Variants in ANGPTL4 observed in about 807,000 individuals in gnomAD.
The protein encoded by ANGPTL4 is angiopoietin-related protein 4.
In ANGPTL4, 39 loss-of-function variants were observed where a neutral mutation model predicts 39.2. That is an observed-to-expected ratio of 1.00 (90% CI 0.77 to 1.30). The LOEUF (loss-of-function observed/expected upper bound fraction) is 1.30, where lower values mean the gene tolerates loss of function less well. Ranked by LOEUF, ANGPTL4 falls within the 50% of genes most tolerant of loss-of-function variation. The pLI, the probability that ANGPTL4 is intolerant of heterozygous loss-of-function variation, is 0.00. For missense variants in ANGPTL4, 545 were observed against 549.8 expected, an observed-to-expected ratio of 0.99 and a Z score of 0.09; for synonymous variants, 233 against 229.5, an observed-to-expected ratio of 1.02 and a Z score of -0.14.
intron 2 of ANGPTL4, 42 bp from the exon 3 acceptor site, chr19:8,366,160 G>GGGCCA: frequency 6.2e-7 from 1 of 1,611,478 alleles, no homozygotes; most frequent in Non-Finnish European, 8.5e-7. Context: ...TGGGGACGTG[G>GGGCCA]GGCCAGGCAG....
intron 6 of ANGPTL4, among the ~76,000 whole-genome samples, chr19:8,373,176 G>A (rs1008978284): frequency 1.3e-4 from 19 of 151,968 alleles, no homozygotes; most frequent in African/African-American, 4.6e-4. Flanking sequence ...AGGCTGAGGA[G>A]GGTGGATCAC....
chr19:8,365,723 CAG>C (rs1568214772), intron 1 of ANGPTL4, among the ~76,000 whole-genome samples: 4 of 151,962 alleles, frequency 2.6e-5, no homozygotes, highest in African/African-American at 9.7e-5. Flanking sequence ...AGGCTGAAAA[CAG>C]GAGGATCGCC....
At position 8,369,348 on chromosome 19, in the gene ANGPTL4, C is replaced by A; in HGVS notation, c.661+16C>A. The A allele has an allele frequency of 1.3e-6, 2 of 1,590,194 alleles. No individual in the cohort carries two copies. The highest frequency in any genetic ancestry group is 1.7e-5 in the Admixed American group (1 of 57,828). ...ATGACCTCAGGTAGGGTGTGTTAGT[C>A]CACCAGGGGCCCCTCTCCCCATAGG... On this transcript the variant is annotated intron_variant, in intron 4 of 6. Coordinates refer to ENST00000301455, the MANE Select transcript of ANGPTL4 (RefSeq NM_139314.3).
Position 8,366,246 on chromosome 19 carries a change from G to A in ANGPTL4, c.474G>A (p.Lys158=). The A allele has an allele frequency of 6.2e-7, 1 of 1,614,138 alleles. No homozygotes were observed. The highest frequency in any genetic ancestry group is 1.1e-5 in the South Asian group (1 of 91,076). Residue 158 remains lysine, a synonymous_variant, in exon 3 of 7, where the codon AAG becomes AAA. Coordinates refer to ENST00000301455, the MANE Select transcript of ANGPTL4 (RefSeq NM_139314.3). ...DHKHLDHEVA[K]PARRKRLPEM... Reference sequence around the variant, plus strand: ...AGCACCTAGACCATGAGGTGGCCAAGCCTGCCCGAAGAAAGAGGCTGCCCG... The same window carrying A: ...AGCACCTAGACCATGAGGTGGCCAAACCTGCCCGAAGAAAGAGGCTGCCCG...
chr19:8,368,829 T>TG (rs1327746059), intron 3 of ANGPTL4, among the ~76,000 whole-genome samples: 3 of 152,084 alleles, frequency 2.0e-5, no homozygotes, highest in African/African-American at 7.2e-5. Flanking sequence ...CACTCCAGCC[T>TG]GGCGACAGAG....
At chr19:8,370,301 G>A (rs938228076) in intron 4 of ANGPTL4, among the ~76,000 whole-genome samples, 3 of 152,064 alleles carry the variant, frequency 2.0e-5, no homozygotes, top group Non-Finnish European at 4.4e-5. Context: ...AGCTACTCGG[G>A]AGGCCAAGGC....
At position 8,364,390 on chromosome 19, in the gene ANGPTL4, T is replaced by G; in HGVS notation, c.69T>G (p.Ala23=). The change falls in exon 1 of 7, where the codon GCT becomes GCG. Residue 23 remains alanine (A), a synonymous_variant. Transcript: ENST00000301455. The stretch of plus-strand genomic sequence containing the variant: ...CCGCCACCGCCGTGCTACTGAGCGC[T>G]CAGGGCGGACCCGTGCAGTCCAAGT... ...LCAATAVLLS[A]QGGPVQSKSP... 1 of 1,546,232 alleles carries G rather than the reference T, an allele frequency of 6.5e-7. No homozygotes were observed. The highest frequency in any genetic ancestry group is 1.2e-5 in the South Asian group (1 of 84,386).
Position 8,364,415 on chromosome 19 carries a change from T to A in ANGPTL4, c.94T>A (p.Ser32Thr). 1 of 1,548,148 alleles carries A rather than the reference T, an allele frequency of 6.5e-7. No homozygotes were observed. The highest frequency in any genetic ancestry group is 1.9e-5 in the Admixed American group (1 of 51,388). Residue 32 changes from serine to threonine, a missense_variant, in exon 1 of 7, where the codon TCG (serine) becomes ACG (threonine). Ser to Thr is a moderately conservative substitution (Grantham distance 58). Transcript: ENST00000301455. Reference sequence around the variant, plus strand: ...TCAGGGCGGACCCGTGCAGTCCAAGTCGCCGCGCTTTGCGTCCTGGGACGA... The same window carrying A: ...TCAGGGCGGACCCGTGCAGTCCAAGACGCCGCGCTTTGCGTCCTGGGACGA... ...SAQGGPVQSK[S>T]PRFASWDEMN...
chr19:8,373,824 T>C lies in ANGPTL4; in HGVS notation c.1159T>C (p.Tyr387His). The C allele has an allele frequency of 6.2e-7, 1 of 1,613,810 alleles. No homozygotes were observed. The change falls in exon 7 of 7, where the codon TAC becomes CAC. Residue 387 changes from tyrosine to histidine, a missense_variant. Transcript: ENST00000301455. ...GIFWKTWRGR[Y>H]YPLQATTMLI... ...CTTCTGGAAGACCTGGCGGGGCCGC[T>C]ACTACCCGCTGCAGGCCACCACCAT...
intron 4 of ANGPTL4, 125 bp downstream of exon 4, chr19:8,369,457 T>C (rs1971072107): frequency 2.4e-5 from 1 of 41,844 alleles, no homozygotes; most frequent in South Asian, 2.9e-4. Context: ...AAGCTGGTCT[T>C]TTTTTTTTTT....
intron 1 of ANGPTL4, among the ~76,000 whole-genome samples, chr19:8,365,469 C>A (rs1436403286): frequency 1.3e-5 from 2 of 151,804 alleles, no homozygotes; most frequent in African/African-American, 2.4e-5. Context: ...CAGAGCTCGA[C>A]TCCATCTCAA....
At position 8,371,186 on chromosome 19, in the gene ANGPTL4, G is replaced by A; in HGVS notation, c.757+35G>A. 2 of 1,614,112 alleles carry A rather than the reference G, an allele frequency of 1.2e-6. No individual in the cohort carries two copies. Among genetic ancestry groups the A allele is most frequent in the Non-Finnish European group, 1.7e-6 (2 of 1,180,004 alleles). ...TCTAGTGGGGACAGAGGCAGGGGAG[G>A]AAGAGGGACCCTCAGAAGTGGCCCT... On this transcript the variant is annotated intron_variant, in intron 5 of 6. Coordinates refer to ENST00000301455, the MANE Select transcript of ANGPTL4 (RefSeq NM_139314.3). The surrounding 1 kb of genome is among the most constrained non-coding windows in gnomAD (Gnocchi z 5.1).
chr19:8,369,390 T>A, intron 4 of ANGPTL4, 58 bp downstream of exon 4: 1 of 1,329,674 alleles, frequency 7.5e-7, no homozygotes, highest in Non-Finnish European at 1.1e-6. Context: ...TGTCTTTCTT[T>A]AAATTGAAAA....
chr19:8,373,712 G>A lies in ANGPTL4; in HGVS notation c.1047G>A (p.Trp349Ter), dbSNP rs1033145581. Reference protein sequence around the residue: ...KNCAKSLSGGWWFGTCSHSNL... With the variant: ...KNCAKSLSGG ...CTCCCCTGACCCCGGCAGGAGGCTGGTGGTTTGGCACCTGCAGCCATTCCA... is the reference window on the plus strand; with the variant it reads ...CTCCCCTGACCCCGGCAGGAGGCTGATGGTTTGGCACCTGCAGCCATTCCA... The change falls in exon 7 of 7, where the codon TGG (tryptophan) becomes TGA (stop). Residue 349 changes from tryptophan (W) to a stop codon, truncating the protein, a stop_gained. Coordinates refer to ENST00000301455, the MANE Select transcript of ANGPTL4 (RefSeq NM_139314.3). LOFTEE classifies it low-confidence loss of function (END_TRUNC). 6.2e-7 allele frequency: 1 copy of A among 1,613,822 alleles called. No homozygotes were observed. Among genetic ancestry groups the A allele is most frequent in the African/African-American group, 1.3e-5 (1 of 74,952 alleles).
rs761873948 is a variant in ANGPTL4, at chr19:8,364,509, G to T, written c.188G>T (p.Arg63Leu). Residue 63 changes from arginine to leucine, a missense_variant, in exon 1 of 7, where the codon CGC becomes CTC. Transcript: ENST00000301455. Reference sequence around the variant, plus strand: ...CTGCGCGAACACGCGGAGCGCACCCGCAGTCAGCTGAGCGCGCTGGAGCGG... The same window carrying T: ...CTGCGCGAACACGCGGAGCGCACCCTCAGTCAGCTGAGCGCGCTGGAGCGG... ...QGLREHAERTRSQLSALERRL... is the reference protein window; with the variant it reads ...QGLREHAERTLSQLSALERRL... 2.9e-5 allele frequency: 45 copies of T among 1,564,420 alleles called. No individual in the cohort carries two copies. The highest frequency in any genetic ancestry group is 3.5e-5 in the Non-Finnish European group (41 of 1,155,756).
intron 6 of ANGPTL4, among the ~76,000 whole-genome samples, chr19:8,373,381 G>A (rs1971163037): frequency 6.6e-6 from 1 of 151,942 alleles, no homozygotes; most frequent in South Asian, 2.1e-4. Flanking sequence ...TCCAGCCTGG[G>A]AGATAGAGTG....
chr19:8,365,612 G>A (rs981976872), intron 1 of ANGPTL4, among the ~76,000 whole-genome samples: 8 of 151,990 alleles, frequency 5.3e-5, no homozygotes, highest in East Asian at 1.9e-4. Context: ...CCAAGATTGC[G>A]CCACTGCACT....
chr19:8,371,664 T>G lies in ANGPTL4; in HGVS notation c.1039+142T>G. 8.1e-7 allele frequency: 1 copy of G among 1,232,062 alleles called. No homozygotes were observed. Among genetic ancestry groups the G allele is most frequent in the Non-Finnish European group, 1.1e-6 (1 of 885,028 alleles). 76.3% of individuals were successfully genotyped at this position (1,232,062 alleles called of 1,614,324 possible). A position where few individuals can be genotyped will look rare whatever the true frequency, so the allele number is the denominator to read the frequency against. The stretch of plus-strand genomic sequence containing the variant: ...CATGCCGTGTGTGTGATTGGGCCAC[T>G]AACTTAGCCTATCTGGCCTCAGTTT... On this transcript the variant is annotated intron_variant, in intron 6 of 6. Transcript: ENST00000301455. This position sits in a 1 kb window ranked among gnomAD's most constrained non-coding sequence, Gnocchi z 5.1.
rs370978676 is a variant in ANGPTL4, at chr19:8,371,135, G to A, written c.741G>A (p.Gly247=). The part of the protein sequence containing the change: ...FNRPWEAYKA[G]FGDPHGEFWL... ...GGCCCTGGGAAGCCTACAAGGCGGG[G>A]TTTGGGGATCCCCACGGTAGGTGTT... The change falls in exon 5 of 7, where the codon GGG becomes GGA. Residue 247 remains glycine, a synonymous_variant. Transcript: ENST00000301455. The surrounding 1 kb of genome is among the most constrained non-coding windows in gnomAD (Gnocchi z 5.1). 13 of 1,613,412 alleles carry A rather than the reference G, an allele frequency of 8.1e-6. No individual in the cohort carries two copies. The East Asian group carries it at 1.6e-4, about 19-fold the overall frequency.
Sources: allele counts gnomAD v4.1 joint callset (sites outside exome capture counted in the v4.1 genomes callset), GRCh38; gene constraint gnomAD v4.1.1; non-coding constraint Gnocchi (gnomAD v3.1); transcripts MANE v1.5; gene names NCBI Gene and HGNC (gene_info 2026-07-23, HGNC 2026-07-21).